The following GRK5 variants were observed in gnomAD, a reference collection of about 807,000 sequenced individuals.
The protein encoded by GRK5 is G protein-coupled receptor kinase 5, also known as g protein-coupled receptor kinase GRK5.
Under a neutral mutation model 78.4 loss-of-function variants are expected in GRK5, and 40 were observed. The ratio of observed to expected loss-of-function variants is 0.51; its 90% CI spans 0.40 to 0.66. The LOEUF (loss-of-function observed/expected upper bound fraction) is 0.66. GRK5 is among the 30% of genes least tolerant of loss of function. GRK5 has a pLI of 0.00. For missense variants in GRK5, 598 were observed against 759.9 expected (o/e 0.79, Z 2.50); for synonymous variants, 289 against 296.8 (o/e 0.97, Z 0.27).
intron 12 of GRK5, among the ~76,000 whole-genome samples, chr10:119,446,916 AG>A (rs1477055564): frequency 6.6e-6 from 1 of 152,228 alleles, no homozygotes; most frequent in African/African-American, 2.4e-5. Flanking sequence ...GATGAATATG[AG>A]CAAAGCGCAC....
At chr10:119,262,564 G>A (rs1334398727) in intron 1 of GRK5, among the ~76,000 whole-genome samples, 4 of 151,964 alleles carry the variant, frequency 2.6e-5, no homozygotes, top group South Asian at 2.1e-4. Context: ...GGCTGATCTC[G>A]AACTCCTGAC....
chr10:119,223,904 C>T (rs1848696176), intron 1 of GRK5, among the ~76,000 whole-genome samples: 1 of 152,038 alleles, frequency 6.6e-6, no homozygotes, highest in African/African-American at 2.4e-5. Flanking sequence ...GGTCCTGGTT[C>T]TGCTCTTTGG....
intron 11 of GRK5, among the ~76,000 whole-genome samples, chr10:119,442,540 A>G (rs2133908021): frequency 6.6e-6 from 1 of 152,334 alleles, no homozygotes; most frequent in South Asian, 2.1e-4. Context: ...ACCTTTCCTC[A>G]GTCTGCTCTG....
At position 119,445,165 on chromosome 10, in the gene GRK5, G is replaced by T. The variant is rs537879555; in HGVS notation, c.1266+1413G>T. Among the ~76,000 whole-genome samples, 1 of 152,188 alleles carries T rather than the reference G, an allele frequency of 6.6e-6. No homozygotes were observed. The highest frequency in any genetic ancestry group is 2.1e-4 in the South Asian group (1 of 4,824). On this transcript the variant is annotated intron_variant, in intron 12 of 15. Transcript: ENST00000392870. This position sits in a 1 kb window ranked among gnomAD's most constrained non-coding sequence, Gnocchi z 4.1. Reference sequence around the variant, plus strand: ...TGGTCATCGCAGCCAGGGCTAGGGTGGGGGGACCGGAGGAGCAGTGCAGCA... The same window carrying T: ...TGGTCATCGCAGCCAGGGCTAGGGTTGGGGGACCGGAGGAGCAGTGCAGCA...
intron 1 of GRK5, among the ~76,000 whole-genome samples, chr10:119,245,268 CTCTT>C (rs1225226635): frequency 6.6e-6 from 1 of 151,896 alleles, no homozygotes; most frequent in Non-Finnish European, 1.5e-5. Context: ...CAGAGCAAGA[CTCTT>C]TCTTAAAAAA....
At chr10:119,211,763 C>A (rs1848489844) in intron 1 of GRK5, 1 of 152,224 alleles carries the variant, frequency 6.6e-6, no homozygotes, top group African/African-American at 2.4e-5. Context: ...AAGATTAGCA[C>A]CTCGGGGCCT....
chr10:119,216,129 A>C (rs1202310604), intron 1 of GRK5, among the ~76,000 whole-genome samples: 2 of 152,222 alleles, frequency 1.3e-5, no homozygotes, highest in Admixed American at 6.5e-5. Context: ...AAAACAGTTC[A>C]TTGCTTGTTC....
intron 1 of GRK5, among the ~76,000 whole-genome samples, chr10:119,213,386 A>T (rs1848520299): frequency 6.6e-6 from 1 of 152,030 alleles, no homozygotes; most frequent in Non-Finnish European, 1.5e-5. Flanking sequence ...TGGTGCCCGC[A>T]TGTAATCCCA....
chr10:119,353,335 G>A (rs990432150), intron 2 of GRK5, among the ~76,000 whole-genome samples: 1 of 152,140 alleles, frequency 6.6e-6, no homozygotes, highest in East Asian at 1.9e-4. Flanking sequence ...CCTCAGCCAG[G>A]CATCTGCCTT....
chr10:119,247,564 G>A lies in GRK5; in HGVS notation c.52+39595G>A, dbSNP rs575946905. On this transcript the variant is annotated intron_variant, in intron 1 of 15. Coordinates refer to ENST00000392870, the MANE Select transcript of GRK5 (RefSeq NM_005308.3). The stretch of plus-strand genomic sequence containing the variant: ...CTGGAGAAGGTTAGGTCATGCACAT[G>A]TTTAATAGCAATTAAAACAAAATCA... Among the ~76,000 whole-genome samples the A allele has an allele frequency of 2.0e-5, 3 of 152,338 alleles. No homozygotes were observed. In the South Asian group the frequency reaches 6.2e-4, roughly 32 times the overall value.
chr10:119,231,793 C>T lies in GRK5; in HGVS notation c.52+23824C>T, dbSNP rs150895900. Reference sequence around the variant, plus strand: ...AAACCACAATGAGGTATTATCTCACCGCAGTTAAAATGGCCATTATCAAAA... The same window carrying T: ...AAACCACAATGAGGTATTATCTCACTGCAGTTAAAATGGCCATTATCAAAA... On this transcript the variant is annotated intron_variant, in intron 1 of 15. Coordinates refer to ENST00000392870, the MANE Select transcript of GRK5 (RefSeq NM_005308.3). Among the ~76,000 whole-genome samples, 194 of 151,730 alleles carry T rather than the reference C, an allele frequency of 1.3e-3. 1 individual carries two copies. Among genetic ancestry groups the T allele is most frequent in the African/African-American group, 4.4e-3 (182 of 41,364 alleles).
chr10:119,249,311 ATACC>A (rs1409872979), intron 1 of GRK5, among the ~76,000 whole-genome samples: 1 of 152,106 alleles, frequency 6.6e-6, no homozygotes, highest in Non-Finnish European at 1.5e-5. Flanking sequence ...GATACTAATA[ATACC>A]TACCTTGTAG....
chr10:119,314,565 C>T (rs1480980404), intron 1 of GRK5, among the ~76,000 whole-genome samples: 1 of 152,210 alleles, frequency 6.6e-6, no homozygotes, highest in African/African-American at 2.4e-5. Flanking sequence ...GGGATACACT[C>T]AAAGGCAGCA....
chr10:119,314,508 C>T (rs1850449837), intron 1 of GRK5, among the ~76,000 whole-genome samples: 1 of 152,230 alleles, frequency 6.6e-6, no homozygotes, highest in Admixed American at 6.5e-5. Context: ...ACCCCACTTC[C>T]CTCTCTTGCC....
chr10:119,441,052 G>C (rs1328748295), intron 10 of GRK5, among the ~76,000 whole-genome samples: 2 of 152,244 alleles, frequency 1.3e-5, no homozygotes, highest in African/African-American at 4.8e-5. Flanking sequence ...AGAGGGAGGG[G>C]AGAAACCGGG....
At chr10:119,447,657 T>G (rs1853182263) in intron 12 of GRK5, among the ~76,000 whole-genome samples, 1 of 152,164 alleles carries the variant, frequency 6.6e-6, no homozygotes, top group African/African-American at 2.4e-5. Context: ...TGAGCATGAT[T>G]AGCCCCCCAT....
intron 4 of GRK5, among the ~76,000 whole-genome samples, chr10:119,408,163 CAAAAAAAAAAAA>C (rs34029208): frequency 2.7e-5 from 2 of 73,954 alleles, no homozygotes; most frequent in Non-Finnish European, 5.1e-5. Context: ...AACTCCATCT[CAAAAAAAAAAAA>C]AAAAAAAAAA....
chr10:119,230,830 C>CAAAA (rs5788332), intron 1 of GRK5, among the ~76,000 whole-genome samples: 73 of 61,306 alleles, frequency 1.2e-3, no homozygotes, highest in African/African-American at 1.9e-3. Flanking sequence ...GACCCTATCT[C>CAAAA]AAAAAAAAAA....
rs745694816 is a variant in GRK5 at position 119,455,121 on chromosome 10, A to G, written c.*54A>G. Reference sequence around the variant, plus strand: ...GGAACCAGCCCAGACCCTTCTCCTTAGAAGTGGAAGTAGTGGAGCCCCTGC... The same window carrying G: ...GGAACCAGCCCAGACCCTTCTCCTTGGAAGTGGAAGTAGTGGAGCCCCTGC... On this transcript the variant is annotated 3_prime_UTR_variant, in exon 16 of 16. Transcript: ENST00000392870. 7.3e-7 allele frequency: 1 copy of G among 1,368,362 alleles called. No homozygotes were observed. Among genetic ancestry groups the G allele is most frequent in the Admixed American group, 1.7e-5 (1 of 59,638 alleles). The allele number at this position is 1,368,362 out of a possible 1,614,324, so 84.8% of individuals were successfully genotyped here.
Sources: gnomAD v4.1 joint callset for allele counts (sites outside exome capture counted in the v4.1 genomes callset) on GRCh38, gnomAD v4.1.1 for gene constraint, Gnocchi (gnomAD v3.1) non-coding constraint, MANE v1.5 for transcripts, NCBI Gene and HGNC (gene_info 2026-07-23, HGNC 2026-07-21) for gene names.